The following TBC1D9B variants were observed in gnomAD, a reference collection of about 807,000 sequenced individuals.
TBC1D9B encodes the protein TBC1 domain family, member 9B (with GRAM domain).
TBC1D9B carries 87 observed loss-of-function variants against 121.1 expected under a neutral mutation model. The ratio of observed to expected loss-of-function variants is 0.72; its 90% CI spans 0.60 to 0.86. The LOEUF is 0.86. TBC1D9B is among the 40% of genes least tolerant of loss of function. The pLI is 0.00. For synonymous variants in TBC1D9B, 668 were observed against 670.1 expected (o/e 1.00, Z 0.05); for missense variants, 1,540 against 1,628.6 (o/e 0.95, Z 0.94).
At chr5:179,905,598 G>T (rs564526539) in intron 1 of TBC1D9B, among the ~76,000 whole-genome samples, 11 of 152,312 alleles carry the variant, frequency 7.2e-5, no homozygotes, top group African/African-American at 2.4e-4. Flanking sequence ...GCAGTCTGTG[G>T]CAACGCTATC....
Position 179,907,575 on chromosome 5 carries a change from C to T in TBC1D9B, c.118+129G>A. 2.6e-6 allele frequency: 1 copy of T among 385,076 alleles called. No homozygotes were observed. Among genetic ancestry groups the T allele is most frequent in the Non-Finnish European group, 3.5e-6 (1 of 283,612 alleles). 23.9% of individuals were successfully genotyped at this position (385,076 alleles called of 1,614,324 possible). A position where few individuals can be genotyped will look rare whatever the true frequency, so the allele number is the denominator to read the frequency against. ...GGCCTCGCGCCCCCGCCCCGCCGCG[C>T]GCTGGCGTGCGTGTCCGCCGCGACG... is the stretch of plus-strand genomic sequence containing the variant. On this transcript the variant is annotated intron_variant, in intron 1 of 20. Coordinates refer to ENST00000355235, the MANE Select transcript of TBC1D9B (RefSeq NM_015043.4). This position sits in a 1 kb window ranked among gnomAD's most constrained non-coding sequence, Gnocchi z 5.3.
intron 14 of TBC1D9B, chr5:179,872,483 G>A (rs945931678): frequency 9.9e-6 from 2 of 202,064 alleles, no homozygotes; most frequent in Non-Finnish European, 2.0e-5. Context: ...AGGGTGGCAG[G>A]GAGGGCCTGG....
At chr5:179,899,164 A>C (rs374168163) in intron 3 of TBC1D9B, 25 bp downstream of exon 3, 19 of 1,584,962 alleles carry the variant, frequency 1.2e-5, no homozygotes, top group Non-Finnish European at 1.6e-5. Flanking sequence ...AAGGGTGAGA[A>C]CAGAGAGTGG....
rs1282846217 is a variant in TBC1D9B at position 179,869,796 on chromosome 5, C to T, written c.2764G>A (p.Val922Met). 4 of 1,583,246 alleles carry T rather than the reference C, an allele frequency of 2.5e-6. No individual in the cohort carries two copies. Among genetic ancestry groups the T allele is most frequent in the Non-Finnish European group, 3.4e-6 (4 of 1,162,616 alleles). Residue 922 changes from valine (V) to methionine (M), a missense_variant, in exon 17 of 21, where the codon GTG becomes ATG. Physicochemically the swap from Val to Met is conservative, Grantham distance 21. Coordinates refer to ENST00000355235, the MANE Select transcript of TBC1D9B (RefSeq NM_015043.4). ...YHGDLTEKLK[V>M]LYKLHLPPAL... ...GGGGGAAGGTGTAGCTTGTAGAGCA[C>T]CTTGAGCTTCTCTGTCAGGTCCCCG...
At position 179,865,397 on chromosome 5, in the gene TBC1D9B, G is replaced by T. The variant is rs545399081; in HGVS notation, c.2915-37C>A. 50 of 1,593,750 alleles carry T rather than the reference G, an allele frequency of 3.1e-5. No individual in the cohort carries two copies. The highest frequency in any genetic ancestry group is 4.3e-5 in the Non-Finnish European group (50 of 1,161,870). On this transcript the variant is annotated intron_variant, in intron 19 of 20. Transcript: ENST00000355235. This position sits in a 1 kb window ranked among gnomAD's most constrained non-coding sequence, Gnocchi z 5.1. The stretch of plus-strand genomic sequence containing the variant: ...GAGGAAAGAGATTAATCTTTGTCAT[G>T]TGAGACGGCTGCGGGCTGACAGCAG...
At position 179,862,237 on chromosome 5, in the gene TBC1D9B, T is replaced by A. The variant is rs1418252092; in HGVS notation, c.*1211A>T. The A allele has an allele frequency of 4.8e-6, 1 of 207,240 alleles. No individual in the cohort carries two copies. The highest frequency in any genetic ancestry group is 1.0e-5 in the Non-Finnish European group (1 of 95,344). 12.8% of individuals were successfully genotyped at this position (207,240 alleles called of 1,614,324 possible). A position where few individuals can be genotyped will look rare whatever the true frequency, so the allele number is the denominator to read the frequency against. On this transcript the variant is annotated 3_prime_UTR_variant, in exon 21 of 21. Transcript: ENST00000355235. ...TCCACTGGGGGTCTGGTTTTAGATATCCACTGTATCCCCTGTGGATAAGGG... is the reference window on the plus strand; with the variant it reads ...TCCACTGGGGGTCTGGTTTTAGATAACCACTGTATCCCCTGTGGATAAGGG...
In TBC1D9B at chr5:179,865,993, C is replaced by G. The variant is rs1184047469; in HGVS notation, c.2864-105G>C. ...AGTCTGTGTTTCTGTACAGCCAGCC[C>G]CAGGCCAGGCCCTGGGGAGCAGGTC... is the stretch of plus-strand genomic sequence containing the variant. On this transcript the variant is annotated intron_variant, in intron 18 of 20. Transcript: ENST00000355235. The surrounding 1 kb of genome is among the most constrained non-coding windows in gnomAD (Gnocchi z 5.1). 4 of 1,412,494 alleles carry G rather than the reference C, an allele frequency of 2.8e-6. No homozygotes were observed. Among genetic ancestry groups the G allele is most frequent in the Middle Eastern group, 1.8e-4 (1 of 5,626 alleles). The allele number at this position is 1,412,494 out of a possible 1,614,324, so 87.5% of individuals were successfully genotyped here.
chr5:179,894,602 C>T lies in TBC1D9B; in HGVS notation c.361G>A (p.Glu121Lys). The T allele has an allele frequency of 1.2e-6, 2 of 1,614,196 alleles. No individual in the cohort carries two copies. Among genetic ancestry groups the T allele is most frequent in the Non-Finnish European group, 1.7e-6 (2 of 1,180,018 alleles). Residue 121 changes from glutamate to lysine, a missense_variant, in exon 4 of 21, where the codon GAA becomes AAA. Transcript: ENST00000355235. The part of the protein sequence containing the change: ...VKGKIHGIIA[E>K]ENKNLQPQGD... The stretch of plus-strand genomic sequence containing the variant: ...TGGGGCTGCAGGTTCTTGTTCTCTT[C>T]TGCGATGATTCCCTGGAGGAAGGCA...
Position 179,891,379 on chromosome 5 carries a change from C to G in TBC1D9B, c.1044G>C (p.Glu348Asp). The change falls in exon 6 of 21, where the codon GAG becomes GAC. Residue 348 changes from glutamate to aspartate, a missense_variant and splice_region_variant. By Grantham distance (45) the Glu-to-Asp change is conservative. Coordinates refer to ENST00000355235, the MANE Select transcript of TBC1D9B (RefSeq NM_015043.4). This position sits in a 1 kb window ranked among gnomAD's most constrained non-coding sequence, Gnocchi z 4.3. ...GGCCTCTCAACTAGGGGATGCTGAC[C>G]TCCCTCAGGGGTATGATGAGGTGGC... ...DACHLIIPLREVTIVEKADSS... is the reference protein window; with the variant it reads ...DACHLIIPLRDVTIVEKADSS... 1 of 1,614,200 alleles carries G rather than the reference C, an allele frequency of 6.2e-7. No homozygotes were observed. Among genetic ancestry groups the G allele is most frequent in the Non-Finnish European group, 8.5e-7 (1 of 1,180,020 alleles).
At chr5:179,903,099 C>G (rs2113652108) in intron 2 of TBC1D9B, among the ~76,000 whole-genome samples, 1 of 152,298 alleles carries the variant, frequency 6.6e-6, no homozygotes, top group Non-Finnish European at 1.5e-5. Context: ...CATCTTCTCC[C>G]AGGCCTTCAA....
chr5:179,864,153 C>T (rs775788889), intron 20 of TBC1D9B, 25 bp from the exon 21 acceptor site: 30 of 1,570,936 alleles, frequency 1.9e-5, no homozygotes, highest in African/African-American at 9.5e-5. Context: ...AACAGAAGAA[C>T]AGGGAGATGG....
intron 2 of TBC1D9B, among the ~76,000 whole-genome samples, chr5:179,903,235 C>T (rs1761211048): frequency 1.3e-5 from 2 of 152,220 alleles, no homozygotes; most frequent in African/African-American, 4.8e-5. Flanking sequence ...AGAGTTTCTT[C>T]ACCTTCAACA....
At position 179,870,418 on chromosome 5, in the gene TBC1D9B, C is replaced by T; in HGVS notation, c.2562G>A (p.Leu854=). The change falls in exon 16 of 21, where the codon CTG becomes CTA. Residue 854 remains leucine (L), a synonymous_variant. Coordinates refer to ENST00000355235, the MANE Select transcript of TBC1D9B (RefSeq NM_015043.4). ...AGRRDPSLPY[L]EQYRIDASQF... ...GGCTGGCATCAATCCGGTACTGCTC[C>T]AGGTAGGGCAGGCTGGGGTCCCGAC... 3 of 1,613,618 alleles carry T rather than the reference C, an allele frequency of 1.9e-6. No homozygotes were observed. Among genetic ancestry groups the T allele is most frequent in the Non-Finnish European group, 2.5e-6 (3 of 1,180,014 alleles).
intron 3 of TBC1D9B, among the ~76,000 whole-genome samples, chr5:179,895,815 C>A (rs1218535198): frequency 1.3e-5 from 2 of 152,202 alleles, no homozygotes; most frequent in Admixed American, 1.3e-4. Flanking sequence ...GTTCTGATTT[C>A]TTCTATTTCT....
chr5:179,907,826 G>A lies in TBC1D9B; in HGVS notation c.-5C>T, dbSNP rs1449507292. 2 of 1,157,366 alleles carry A rather than the reference G, an allele frequency of 1.7e-6. No individual in the cohort carries two copies. The highest frequency in any genetic ancestry group is 1.7e-5 in the African/African-American group (1 of 60,506). 71.7% of individuals were successfully genotyped at this position (1,157,366 alleles called of 1,614,324 possible). ...CTCCTCCGGGCTCAGCCACATCGCG[G>A]AGCCGCTCGCACCGGGCCGAGGCCC... On this transcript the variant is annotated 5_prime_UTR_variant, in exon 1 of 21. Transcript: ENST00000355235. The surrounding 1 kb of genome is among the most constrained non-coding windows in gnomAD (Gnocchi z 5.3).
At position 179,865,583 on chromosome 5, in the gene TBC1D9B, A is replaced by G; in HGVS notation, c.2915-223T>C. The stretch of plus-strand genomic sequence containing the variant: ...GGACCTAAGCTGATGACAATGATCC[A>G]CAATGTCTTCTCTCAGATGGGGAGT... On this transcript the variant is annotated intron_variant, in intron 19 of 20. Transcript: ENST00000355235. This position sits in a 1 kb window ranked among gnomAD's most constrained non-coding sequence, Gnocchi z 5.1. The G allele has an allele frequency of 1.6e-6, 1 of 617,330 alleles. No homozygotes were observed. The highest frequency in any genetic ancestry group is 2.8e-6 in the Non-Finnish European group (1 of 351,314). 38.2% of individuals were successfully genotyped at this position (617,330 alleles called of 1,614,324 possible).
chr5:179,896,378 A>C (rs921546438), intron 3 of TBC1D9B, among the ~76,000 whole-genome samples: 1 of 152,206 alleles, frequency 6.6e-6, no homozygotes, highest in African/African-American at 2.4e-5. Flanking sequence ...CGATCTAAAC[A>C]TCTCTCTCCA....
intron 10 of TBC1D9B, 46 bp downstream of exon 10, chr5:179,878,263 C>T (rs1199864869): frequency 6.4e-7 from 1 of 1,570,526 alleles, no homozygotes. Context: ...CTCCTGTGAA[C>T]CTCTGGTGGC....
intron 1 of TBC1D9B, among the ~76,000 whole-genome samples, chr5:179,905,283 C>CG (rs1317571866): frequency 3.9e-5 from 6 of 152,188 alleles, no homozygotes; most frequent in Non-Finnish European, 1.5e-5. Context: ...ATACGTCTTC[C>CG]GGACAGTTCT....
Sources: allele counts gnomAD v4.1 joint callset (sites outside exome capture counted in the v4.1 genomes callset), GRCh38; gene constraint gnomAD v4.1.1; non-coding constraint Gnocchi (gnomAD v3.1); transcripts MANE v1.5; gene names NCBI Gene and HGNC (gene_info 2026-07-23, HGNC 2026-07-21).